VRK2: variants seen among roughly 807,000 people sequenced by gnomAD.
VRK2 encodes the protein serine/threonine-protein kinase VRK2.
In VRK2, 60 loss-of-function variants were observed where a neutral mutation model predicts 57.6. The observed-to-expected ratio is 1.04, with a 90% CI of 0.85 to 1.29. VRK2 has a LOEUF of 1.29. Ranked by LOEUF, VRK2 falls within the 50% of genes most tolerant of loss-of-function variation. The probability of loss-of-function intolerance (pLI) is 0.00; values close to 1 mark genes in which losing one functional copy is unlikely to be tolerated. For synonymous variants in VRK2, 231 were observed against 199.2 expected (o/e 1.16, Z -1.35); for missense variants, 705 against 588.1 (o/e 1.20, Z -2.06).
At chr2:57,963,096 A>T (rs1372651279) in intron 1 of VRK2, among the ~76,000 whole-genome samples, 3 of 152,222 alleles carry the variant, frequency 2.0e-5, no homozygotes, top group Non-Finnish European at 2.9e-5. Flanking sequence ...CCCAGGCAGC[A>T]CTAGAGGTTT....
intron 7 of VRK2, among the ~76,000 whole-genome samples, chr2:58,113,920 G>A (rs1390771972): frequency 1.3e-5 from 2 of 152,164 alleles, no homozygotes; most frequent in East Asian, 3.9e-4. Flanking sequence ...GTGTTGGGGC[G>A]GCGAAAATTT....
intron 2 of VRK2, among the ~76,000 whole-genome samples, chr2:58,061,496 C>G (rs1007123249): frequency 1.3e-5 from 2 of 151,856 alleles, no homozygotes; most frequent in Non-Finnish European, 2.9e-5. Flanking sequence ...AGTGACAGAA[C>G]TTCATAATCG....
chr2:58,159,560 A>T lies in VRK2; in HGVS notation c.1394A>T (p.Glu465Val), dbSNP rs760396835. The T allele has an allele frequency of 6.2e-7, 1 of 1,613,734 alleles. No homozygotes were observed. The highest frequency in any genetic ancestry group is 1.3e-5 in the African/African-American group (1 of 74,922). ...GTCAGCACGGGGATCACAGACTTAG[A>T]AAGTTCAACTGGACTTTGGCCTACA... The part of the protein sequence containing the change: ...STVSTGITDL[E>V]SSTGLWPTIS... Residue 465 changes from glutamate to valine, a missense_variant, in exon 13 of 13, where the codon GAA becomes GTA. Transcript: ENST00000340157.
intron 1 of VRK2, among the ~76,000 whole-genome samples, chr2:57,997,437 T>A (rs933783845): frequency 2.0e-5 from 3 of 152,148 alleles, no homozygotes; most frequent in African/African-American, 7.2e-5. Context: ...GAAACTACTA[T>A]GCATTGAAGT....
At chr2:58,029,739 G>C (rs1674055481) in intron 2 of VRK2, among the ~76,000 whole-genome samples, 1 of 152,000 alleles carries the variant, frequency 6.6e-6, no homozygotes, top group Admixed American at 6.6e-5. Context: ...CCAGCTCTGG[G>C]GTCTAATGAG....
chr2:57,946,112 A>G (rs1027349796), intron 1 of VRK2, among the ~76,000 whole-genome samples: 1 of 152,134 alleles, frequency 6.6e-6, no homozygotes, highest in Non-Finnish European at 1.5e-5. Flanking sequence ...ATTTATTTAT[A>G]TCCAAAATCT....
At chr2:58,006,562 T>C (rs781102707) in intron 1 of VRK2, among the ~76,000 whole-genome samples, 11 of 152,178 alleles carry the variant, frequency 7.2e-5, no homozygotes, top group Non-Finnish European at 1.5e-4. Context: ...CACTCTTCTC[T>C]GTGGAGCAGA....
chr2:58,154,454 A>G (rs1439566425), intron 12 of VRK2, among the ~76,000 whole-genome samples: 1 of 151,952 alleles, frequency 6.6e-6, no homozygotes, highest in East Asian at 1.9e-4. Context: ...ATCATGTCAC[A>G]TACTTGTCAT....
intron 1 of VRK2, among the ~76,000 whole-genome samples, chr2:57,927,296 A>G (rs191072702): frequency 3.3e-5 from 4 of 122,362 alleles, no homozygotes; most frequent in African/African-American, 6.7e-5. Context: ...TTTTTTTTTG[A>G]GATGAAGTCT....
intron 8 of VRK2, among the ~76,000 whole-genome samples, chr2:58,128,831 A>C (rs913739167): frequency 1.3e-5 from 2 of 152,202 alleles, no homozygotes; most frequent in African/African-American, 2.4e-5. Context: ...AAGCAGGTAG[A>C]GTGCCAGGCA....
chr2:57,987,051 T>C (rs762017754), intron 1 of VRK2, among the ~76,000 whole-genome samples: 3 of 151,936 alleles, frequency 2.0e-5, no homozygotes, highest in Admixed American at 6.6e-5. Context: ...ATACAAAAAT[T>C]AAATCCAAAC....
intron 7 of VRK2, among the ~76,000 whole-genome samples, chr2:58,101,379 T>G (rs1304787351): frequency 6.6e-6 from 1 of 151,744 alleles, no homozygotes; most frequent in African/African-American, 2.4e-5. Flanking sequence ...ACATTTTACT[T>G]AAATACTTTA....
chr2:58,079,253 C>A (rs1026155844), intron 2 of VRK2, among the ~76,000 whole-genome samples: 2 of 151,926 alleles, frequency 1.3e-5, no homozygotes, highest in Non-Finnish European at 2.9e-5. Context: ...AACTTTGATC[C>A]CTTTTAATAA....
intron 1 of VRK2, among the ~76,000 whole-genome samples, chr2:57,969,028 A>G (rs923225443): frequency 1.3e-5 from 2 of 152,140 alleles, no homozygotes; most frequent in African/African-American, 2.4e-5. Flanking sequence ...CCTTACCATT[A>G]AAGATTTTCT....
At chr2:57,997,257 G>C (rs947754203) in intron 1 of VRK2, among the ~76,000 whole-genome samples, 7 of 151,998 alleles carry the variant, frequency 4.6e-5, no homozygotes, top group African/African-American at 1.5e-4. Flanking sequence ...ACTAGATCTA[G>C]ATATAATTAG....
intron 1 of VRK2, among the ~76,000 whole-genome samples, chr2:57,978,425 T>A (rs1435952023): frequency 6.6e-6 from 1 of 151,100 alleles, no homozygotes; most frequent in South Asian, 2.1e-4. Flanking sequence ...TAAGCCTTGA[T>A]AACAGAAGAC....
At chr2:58,064,824 A>G (rs1668402665) in intron 2 of VRK2, among the ~76,000 whole-genome samples, 1 of 152,198 alleles carries the variant, frequency 6.6e-6, no homozygotes, top group South Asian at 2.1e-4. Context: ...CAAGTATACA[A>G]GAATTTATTT....
At chr2:58,116,781 T>G (rs1185157649) in intron 7 of VRK2, among the ~76,000 whole-genome samples, 1 of 152,194 alleles carries the variant, frequency 6.6e-6, no homozygotes, top group Non-Finnish European at 1.5e-5. Context: ...CAGTCCGATT[T>G]CCCATGGGGT....
intron 2 of VRK2, chr2:58,058,306 T>G (rs537805399): frequency 2.1e-6 from 1 of 467,296 alleles, no homozygotes; most frequent in African/African-American, 2.0e-5. Context: ...ATGCTGTATT[T>G]TATCATGAAG....
Sources: allele counts gnomAD v4.1 joint callset (sites outside exome capture counted in the v4.1 genomes callset), GRCh38; gene constraint gnomAD v4.1.1; transcripts MANE v1.5; gene names NCBI Gene and HGNC (gene_info 2026-07-23, HGNC 2026-07-21).